Variants in BANK1 observed in about 807,000 individuals in gnomAD.
BANK1 encodes B-cell scaffold protein with ankyrin repeats.
Under a neutral mutation model 94.5 loss-of-function variants are expected in BANK1, and 95 were observed. The ratio of observed to expected loss-of-function variants is 1.00; its 90% confidence interval spans 0.85 to 1.19. The LOEUF is 1.19. Among genes scored for constraint, BANK1 ranks in the 50% most tolerant of loss-of-function variants. The pLI is 0.00. For missense variants in BANK1, 987 were observed against 932.2 expected (o/e 1.06, Z -0.77); for synonymous variants, 334 against 308.4 (o/e 1.08, Z -0.87).
chr4:101,854,147 C>T (rs1727595030), intron 2 of BANK1, among the ~76,000 whole-genome samples: 1 of 152,012 alleles, frequency 6.6e-6, no homozygotes, highest in Non-Finnish European at 1.5e-5. Flanking sequence ...CAGTTCCCTT[C>T]TTGGGGGGTT....
intron 1 of BANK1, among the ~76,000 whole-genome samples, chr4:101,825,397 A>G (rs971302189): frequency 6.6e-6 from 1 of 151,928 alleles, no homozygotes; most frequent in Non-Finnish European, 1.5e-5. Context: ...GGTCCTAGAT[A>G]TTATTCAGTT....
intron 7 of BANK1, among the ~76,000 whole-genome samples, chr4:101,986,274 A>G (rs577341161): frequency 2.6e-5 from 4 of 152,188 alleles, no homozygotes; most frequent in South Asian, 2.1e-4. Flanking sequence ...TAGACAACAG[A>G]AACATACAGT....
intron 5 of BANK1, among the ~76,000 whole-genome samples, chr4:101,876,440 C>A (rs1427072790): frequency 6.6e-6 from 1 of 152,120 alleles, no homozygotes; most frequent in African/African-American, 2.4e-5. Flanking sequence ...CAGTTCTTGT[C>A]CAAGACCATC....
intron 2 of BANK1, among the ~76,000 whole-genome samples, chr4:101,836,045 G>C (rs574736367): frequency 6.6e-6 from 1 of 151,978 alleles, no homozygotes; most frequent in South Asian, 2.1e-4. Context: ...GTTTCTGCTT[G>C]AAAAATATTT....
chr4:101,834,935 T>A (rs1445822478), intron 2 of BANK1, among the ~76,000 whole-genome samples: 3 of 152,158 alleles, frequency 2.0e-5, no homozygotes, highest in Admixed American at 6.5e-5. Flanking sequence ...AAAATTTTTT[T>A]AAAAGACACA....
rs140007600 is a variant in BANK1, at chr4:101,791,276, A to T, written c.70+326A>T. On this transcript the variant is annotated intron_variant, in intron 1 of 16. Transcript: ENST00000322953. The stretch of plus-strand genomic sequence containing the variant: ...CCTGTAGTTTCTAAAATCACTTTGC[A>T]ACCTGTTTTAAAGCAATGCGCGTTT... Among the ~76,000 whole-genome samples the T allele has an allele frequency of 4.8e-3, 727 of 150,682 alleles. 12 individuals are homozygous for T. Among genetic ancestry groups the T allele is most frequent in the African/African-American group, 0.016 (667 of 41,410 alleles).
chr4:102,002,763 G>C (rs1036144232), intron 7 of BANK1, among the ~76,000 whole-genome samples: 4 of 152,130 alleles, frequency 2.6e-5, no homozygotes, highest in Admixed American at 6.6e-5. Context: ...CAGATCATCT[G>C]TCAGGATTCA....
At chr4:101,913,239 C>G (rs1722724431) in intron 6 of BANK1, among the ~76,000 whole-genome samples, 1 of 152,186 alleles carries the variant, frequency 6.6e-6, no homozygotes, top group South Asian at 2.1e-4. Context: ...GAAAAGAATG[C>G]AAACACATTT....
chr4:101,932,455 G>T (rs1386560163), intron 7 of BANK1, among the ~76,000 whole-genome samples: 1 of 151,432 alleles, frequency 6.6e-6, no homozygotes, highest in African/African-American at 2.4e-5. Context: ...TTGTCCTGTT[G>T]TAAGTTTGTT....
intron 1 of BANK1, among the ~76,000 whole-genome samples, chr4:101,819,852 C>T (rs753005439): frequency 1.3e-5 from 2 of 152,100 alleles, no homozygotes; most frequent in Non-Finnish European, 2.9e-5. Context: ...AGACGAAATC[C>T]AGCTGGTGTC....
intron 4 of BANK1, 27 bp from the exon 5 acceptor site, chr4:101,870,478 C>T: frequency 6.2e-7 from 1 of 1,601,434 alleles, no homozygotes; most frequent in Non-Finnish European, 8.5e-7. Context: ...TATACTCTGC[C>T]CCTAACCCTT....
intron 5 of BANK1, among the ~76,000 whole-genome samples, chr4:101,886,418 G>A (rs1728858158): frequency 6.6e-6 from 1 of 152,096 alleles, no homozygotes. Flanking sequence ...CTTGGAACCT[G>A]GCTCCCAAAA....
chr4:102,033,282 AT>A (rs1328585037), intron 10 of BANK1, among the ~76,000 whole-genome samples: 1 of 152,170 alleles, frequency 6.6e-6, no homozygotes, highest in Non-Finnish European at 1.5e-5. Flanking sequence ...GAACCCTCCC[AT>A]TATGGGTGAG....
At chr4:101,876,833 A>G (rs2148883669) in intron 5 of BANK1, among the ~76,000 whole-genome samples, 1 of 152,288 alleles carries the variant, frequency 6.6e-6, no homozygotes, top group Non-Finnish European at 1.5e-5. Flanking sequence ...CTGTCAGAGA[A>G]ATTTAATAAA....
intron 7 of BANK1, among the ~76,000 whole-genome samples, chr4:101,996,055 T>A (rs1725868215): frequency 6.7e-6 from 1 of 150,302 alleles, no homozygotes; most frequent in Non-Finnish European, 1.5e-5. Context: ...GCCTAGGTTT[T>A]CTTCTGGGGT....
At chr4:101,948,647 G>A (rs1249073769) in intron 7 of BANK1, among the ~76,000 whole-genome samples, 1 of 152,038 alleles carries the variant, frequency 6.6e-6, no homozygotes, top group Non-Finnish European at 1.5e-5. Flanking sequence ...ATATTGCCTT[G>A]TCACAGTAGA....
intron 7 of BANK1, among the ~76,000 whole-genome samples, chr4:101,934,855 C>T (rs1461401937): frequency 6.6e-6 from 1 of 151,524 alleles, no homozygotes; most frequent in Non-Finnish European, 1.5e-5. Flanking sequence ...CACAATTCTT[C>T]ATTGCACACT....
intron 2 of BANK1, among the ~76,000 whole-genome samples, chr4:101,839,556 A>G (rs939477596): frequency 2.0e-5 from 3 of 152,100 alleles, no homozygotes; most frequent in Admixed American, 6.5e-5. Flanking sequence ...TTTTTATTCA[A>G]GTACTTTTGC....
At chr4:101,936,226 CAT>C (rs1449640856) in intron 7 of BANK1, among the ~76,000 whole-genome samples, 3 of 149,148 alleles carry the variant, frequency 2.0e-5, no homozygotes, top group Admixed American at 1.3e-4. Flanking sequence ...TACATGTACA[CAT>C]ATATGATATG....
Sources: gnomAD v4.1 joint callset for allele counts (sites outside exome capture counted in the v4.1 genomes callset) on GRCh38, gnomAD v4.1.1 for gene constraint, MANE v1.5 for transcripts, NCBI Gene and HGNC (gene_info 2026-07-23, HGNC 2026-07-21) for gene names.